MYO10: variants seen among roughly 807,000 people sequenced by gnomAD.
MYO10 encodes the protein unconventional myosin-X.
MYO10 carries 133 observed loss-of-function variants against 257.3 expected under a neutral mutation model. The ratio of observed to expected loss-of-function variants is 0.52; its 90% CI spans 0.45 to 0.60. The LOEUF is 0.60. Among genes scored for constraint, MYO10 ranks in the 20% least tolerant of loss-of-function variants. MYO10 has a pLI of 0.00. For synonymous variants in MYO10, 1,104 were observed against 1,028.6 expected (o/e 1.07, Z -1.40); for missense variants, 2,399 against 2,635.7 (o/e 0.91, Z 1.97).
intron 2 of MYO10, among the ~76,000 whole-genome samples, chr5:16,841,103 C>T (rs1239872343): frequency 6.6e-6 from 1 of 151,308 alleles, no homozygotes; most frequent in Admixed American, 6.6e-5. Flanking sequence ...CGAGATCTCG[C>T]CATTGCACTC....
chr5:16,676,511 T>TC (rs1360746012), intron 33 of MYO10, among the ~76,000 whole-genome samples: 5 of 152,188 alleles, frequency 3.3e-5, no homozygotes, highest in African/African-American at 9.6e-5. Context: ...GGTCAGCAGT[T>TC]CGAGACCAGC....
intron 27 of MYO10, among the ~76,000 whole-genome samples, chr5:16,691,074 C>T (rs1201521795): frequency 6.6e-6 from 1 of 150,540 alleles, no homozygotes; most frequent in Non-Finnish European, 1.5e-5. Context: ...TCGAGACCAT[C>T]CTGGCTAACA....
intron 2 of MYO10, among the ~76,000 whole-genome samples, chr5:16,831,443 G>A (rs758229167): frequency 2.0e-5 from 3 of 151,836 alleles, no homozygotes; most frequent in Admixed American, 6.6e-5. Context: ...AGCACAATTC[G>A]CAATTGCAAC....
chr5:16,685,651 C>A, intron 29 of MYO10, 87 bp downstream of exon 29: 2 of 1,024,064 alleles, frequency 2.0e-6, no homozygotes, highest in Non-Finnish European at 2.9e-6. Flanking sequence ...CTGGAAATTC[C>A]CAATCTTTCC....
In MYO10 at chr5:16,711,159, C is replaced by G; in HGVS notation, c.2016G>C (p.Gly672=). 6.2e-7 allele frequency: 1 copy of G among 1,613,852 alleles called. No homozygotes were observed. The highest frequency in any genetic ancestry group is 8.5e-7 in the Non-Finnish European group (1 of 1,179,854). The change falls in exon 20 of 41, where the codon GGG becomes GGC. Residue 672 remains glycine, a synonymous_variant. Coordinates refer to ENST00000513610, the MANE Select transcript of MYO10 (RefSeq NM_012334.3). Reference sequence around the variant, plus strand: ...CCTGAAAGGGTCTTCGGACCGCATACCCAGCTTTGCGGATTCTCACAGTCT... The same window carrying G: ...CCTGAAAGGGTCTTCGGACCGCATAGCCAGCTTTGCGGATTCTCACAGTCT... ...MLETVRIRKA[G]YAVRRPFQDF... is the part of the protein sequence containing the mutation.
chr5:16,801,454 T>A (rs1742118502), intron 3 of MYO10, among the ~76,000 whole-genome samples: 1 of 152,034 alleles, frequency 6.6e-6, no homozygotes, highest in South Asian at 2.1e-4. Flanking sequence ...TCATCTGGCC[T>A]GCTTGCATCA....
At chr5:16,714,480 TG>T (rs144395406) in intron 19 of MYO10, among the ~76,000 whole-genome samples, 2,649 of 152,208 alleles carry the variant, frequency 0.017, 69 homozygotes, top group African/African-American at 0.061. Context: ...AGATCTGTGC[TG>T]GGTAAGGATC....
At chr5:16,759,774 GT>G (rs1285387203) in intron 17 of MYO10, among the ~76,000 whole-genome samples, 16 of 152,078 alleles carry the variant, frequency 1.1e-4, no homozygotes, top group Admixed American at 8.5e-4. Flanking sequence ...ATGCTATGGT[GT>G]TTTTTAAACA....
At position 16,663,338 on chromosome 5, in the gene MYO10, T is replaced by TTG. The variant is rs1561158447; in HGVS notation, c.*3353_*3354insCA. On this transcript the variant is annotated 3_prime_UTR_variant, in exon 41 of 41. Coordinates refer to ENST00000513610, the MANE Select transcript of MYO10 (RefSeq NM_012334.3). ...ATTTTACTTCTAGTTGTTTTTTTTT[T>TTG]TTTTTTTTTTTTTTTTTTTTTTTTT... 1.6e-4 allele frequency: 6 copies of TTG among 37,412 alleles called. No individual in the cohort carries two copies. Among genetic ancestry groups the TTG allele is most frequent in the Non-Finnish European group, 3.8e-4 (6 of 15,976 alleles). 2.3% of individuals were successfully genotyped at this position (37,412 alleles called of 1,614,324 possible). A position where few individuals can be genotyped will look rare whatever the true frequency, so the allele number is the denominator to read the frequency against.
At chr5:16,741,882 A>C (rs1740029434) in intron 19 of MYO10, 1 of 985,274 alleles carries the variant, frequency 1.0e-6, no homozygotes, top group South Asian at 4.7e-5. Flanking sequence ...AGGGCATCTA[A>C]GCTGACAGAC....
intron 2 of MYO10, among the ~76,000 whole-genome samples, chr5:16,844,259 C>T (rs1354713146): frequency 2.6e-5 from 4 of 151,948 alleles, no homozygotes; most frequent in Admixed American, 2.6e-4. Context: ...AATTATTTAT[C>T]GAATTCAGGA....
At chr5:16,923,351 A>C (rs1746041335) in intron 1 of MYO10, among the ~76,000 whole-genome samples, 1 of 150,298 alleles carries the variant, frequency 6.7e-6, no homozygotes, top group Non-Finnish European at 1.5e-5. Context: ...CAGTGGCACG[A>C]TCTCAGCTCA....
chr5:16,830,675 A>G (rs1207607462), intron 2 of MYO10, among the ~76,000 whole-genome samples: 2 of 140,712 alleles, frequency 1.4e-5, no homozygotes, highest in African/African-American at 5.5e-5. Context: ...TATTTTTTTA[A>G]TAGGCACACA....
chr5:16,784,981 T>C (rs557840860), intron 4 of MYO10, among the ~76,000 whole-genome samples: 2 of 127,612 alleles, frequency 1.6e-5, no homozygotes, highest in East Asian at 2.2e-4. Flanking sequence ...TCAAGGGTAC[T>C]GTGGGCTCCT....
intron 19 of MYO10, among the ~76,000 whole-genome samples, chr5:16,721,760 CG>C (rs1739162592): frequency 6.6e-6 from 1 of 152,140 alleles, no homozygotes; most frequent in Non-Finnish European, 1.5e-5. Context: ...GCGCTTACCT[CG>C]GACCCACACA....
At chr5:16,795,126 T>C (rs981562346) in intron 3 of MYO10, among the ~76,000 whole-genome samples, 3 of 152,204 alleles carry the variant, frequency 2.0e-5, no homozygotes, top group African/African-American at 7.2e-5. Flanking sequence ...CTCACCAATC[T>C]TAATCCCTTC....
intron 3 of MYO10, among the ~76,000 whole-genome samples, chr5:16,796,206 A>G (rs1338553830): frequency 2.5e-5 from 3 of 122,278 alleles, no homozygotes; most frequent in South Asian, 2.7e-4. Context: ...AAAAAAAAGA[A>G]AGAACAGAGA....
chr5:16,663,259 CTG>C lies in MYO10; in HGVS notation c.*3431_*3432del, dbSNP rs1384274815. 3 of 141,544 alleles carry C rather than the reference CTG, an allele frequency of 2.1e-5. No homozygotes were observed. Among genetic ancestry groups the C allele is most frequent in the Non-Finnish European group, 4.5e-5 (3 of 66,614 alleles). 8.8% of individuals were successfully genotyped at this position (141,544 alleles called of 1,614,324 possible). A position where few individuals can be genotyped will look rare whatever the true frequency, so the allele number is the denominator to read the frequency against. On this transcript the variant is annotated 3_prime_UTR_variant, in exon 41 of 41. Coordinates refer to ENST00000513610, the MANE Select transcript of MYO10 (RefSeq NM_012334.3). Reference sequence around the variant, plus strand: ...ATATTCAATAAAACAGTAAAAATAGCTGTTTCTGGGAAAGGAAAATGGGTAAT... The same window carrying C: ...ATATTCAATAAAACAGTAAAAATAGCTTTCTGGGAAAGGAAAATGGGTAAT...
chr5:16,747,918 CAAAAAAA>C (rs777257950), intron 19 of MYO10, among the ~76,000 whole-genome samples: 87 of 30,482 alleles, frequency 2.9e-3, no homozygotes, highest in East Asian at 0.018. Context: ...AACTCCGTCT[CAAAAAAA>C]AAAAAAAAAA....
Sources: gnomAD v4.1 joint callset for allele counts (sites outside exome capture counted in the v4.1 genomes callset) on GRCh38, gnomAD v4.1.1 for gene constraint, MANE v1.5 for transcripts, NCBI Gene and HGNC (gene_info 2026-07-23, HGNC 2026-07-21) for gene names.